The following TLK1 variants were observed in gnomAD, a reference collection of about 807,000 sequenced individuals.
TLK1 encodes the protein serine/threonine-protein kinase tousled-like 1.
Under a neutral mutation model 105.3 loss-of-function variants are expected in TLK1, and 24 were observed. The ratio of observed to expected loss-of-function variants is 0.23; its 90% CI spans 0.17 to 0.32. The LOEUF is 0.32. TLK1 is among the 10% of genes least tolerant of loss of function. The pLI, the probability that TLK1 is intolerant of heterozygous loss-of-function variation, is 1.00. For missense variants in TLK1, 558 were observed against 910.5 expected, an observed-to-expected ratio of 0.61 and a Z score of 4.98; for synonymous variants, 321 against 310.4, an observed-to-expected ratio of 1.03 and a Z score of -0.36.
chr2:171,020,022 C>A (rs565985406), intron 12 of TLK1, among the ~76,000 whole-genome samples: 212 of 150,466 alleles, frequency 1.4e-3, no homozygotes, highest in African/African-American at 4.9e-3. Flanking sequence ...CACACTACTG[C>A]ACTCTAGCCA....
At position 171,009,918 on chromosome 2, in the gene TLK1, C is replaced by T. The variant is rs575141730; in HGVS notation, c.1416+1455G>A. Among the ~76,000 whole-genome samples the T allele has an allele frequency of 5.3e-5, 8 of 152,294 alleles. No individual in the cohort carries two copies. In the South Asian group the frequency reaches 1.7e-3, roughly 32 times the overall value. ...ATCTATCAGAGAAGATGCAGAGGGTCAGGGAAGCTGTTTAGAGGAACTAAA... is the reference window on the plus strand; with the variant it reads ...ATCTATCAGAGAAGATGCAGAGGGTTAGGGAAGCTGTTTAGAGGAACTAAA... On this transcript the variant is annotated intron_variant, in intron 14 of 20. Coordinates refer to ENST00000431350, the MANE Select transcript of TLK1 (RefSeq NM_012290.5).
At chr2:171,149,624 G>C (rs1440777215) in intron 1 of TLK1, among the ~76,000 whole-genome samples, 1 of 152,176 alleles carries the variant, frequency 6.6e-6, no homozygotes, top group Non-Finnish European at 1.5e-5. Flanking sequence ...CTATACAATA[G>C]ACTGGGCACA....
intron 1 of TLK1, among the ~76,000 whole-genome samples, chr2:171,147,813 T>C (rs933052193): frequency 1.3e-5 from 2 of 152,196 alleles, no homozygotes; most frequent in East Asian, 1.9e-4. Flanking sequence ...ATCACATGTA[T>C]GAGACGCAGT....
At chr2:171,188,466 G>A (rs957164884) in intron 1 of TLK1, among the ~76,000 whole-genome samples, 3 of 152,106 alleles carry the variant, frequency 2.0e-5, no homozygotes, top group Admixed American at 6.5e-5. Context: ...AGCACTTTGG[G>A]AGGCCAAGGC....
intron 1 of TLK1, among the ~76,000 whole-genome samples, chr2:171,123,087 C>CACACA (rs1553480394): frequency 6.6e-6 from 1 of 151,132 alleles, no homozygotes; most frequent in Non-Finnish European, 1.5e-5. Context: ...CACACACACA[C>CACACA]TTCTTTTTTT....
chr2:171,000,026 A>G (rs944314056), intron 18 of TLK1, among the ~76,000 whole-genome samples: 16 of 152,106 alleles, frequency 1.1e-4, no homozygotes, highest in African/African-American at 2.4e-5. Context: ...CAGAGGCATG[A>G]GTGAGCCCCC....
At chr2:171,137,777 A>G (rs1366454783) in intron 1 of TLK1, among the ~76,000 whole-genome samples, 1 of 151,802 alleles carries the variant, frequency 6.6e-6, no homozygotes, top group Admixed American at 6.6e-5. Context: ...TGAACCCAGG[A>G]GGTGAAGGTT....
intron 1 of TLK1, among the ~76,000 whole-genome samples, chr2:171,143,510 A>AG (rs1691672188): frequency 2.2e-4 from 1 of 4,552 alleles, no homozygotes; most frequent in East Asian, 2.8e-3. Flanking sequence ...TATCTCCAAA[A>AG]AAAAAAAAAA....
intron 3 of TLK1, among the ~76,000 whole-genome samples, chr2:171,080,092 G>T: frequency 6.6e-6 from 1 of 151,574 alleles, no homozygotes; most frequent in Non-Finnish European, 1.5e-5. Context: ...AGCTATTCAG[G>T]AGGTTGAGGC....
chr2:171,188,926 T>A (rs1266132323), intron 1 of TLK1, among the ~76,000 whole-genome samples: 1 of 151,120 alleles, frequency 6.6e-6, no homozygotes, highest in Non-Finnish European at 1.5e-5. Context: ...AATCGTTTGA[T>A]ACATTATCCA....
At chr2:171,210,034 G>A (rs1005119555) in intron 1 of TLK1, among the ~76,000 whole-genome samples, 1 of 152,032 alleles carries the variant, frequency 6.6e-6, no homozygotes, top group Admixed American at 6.6e-5. Context: ...TAGCTAATCA[G>A]GTAAATCAAA....
chr2:171,063,759 G>A (rs11899305), intron 3 of TLK1, among the ~76,000 whole-genome samples: 85,279 of 152,080 alleles, frequency 0.56, 26,326 homozygotes, highest in East Asian at 0.95. Flanking sequence ...GAGTTCAAAC[G>A]GGGTAAACAA....
chr2:171,096,694 G>A (rs983994934), intron 2 of TLK1, among the ~76,000 whole-genome samples: 1 of 150,352 alleles, frequency 6.7e-6, no homozygotes, highest in African/African-American at 2.5e-5. Flanking sequence ...GGAGGCAGAG[G>A]ATGCAGTGAA....
intron 1 of TLK1, among the ~76,000 whole-genome samples, chr2:171,146,228 G>A (rs866114921): frequency 6.6e-6 from 1 of 152,116 alleles, no homozygotes; most frequent in African/African-American, 2.4e-5. Flanking sequence ...GGAGGCAGAG[G>A]TGGGAAGATC....
rs914119245 is a variant in TLK1 at position 170,991,948 on chromosome 2, G to T, written c.*1832C>A. Reference sequence around the variant, plus strand: ...TGTGCTCTACAGAGGAATGGGTATAGCCAGCCCCTTAAACCACTCTTGATG... The same window carrying T: ...TGTGCTCTACAGAGGAATGGGTATATCCAGCCCCTTAAACCACTCTTGATG... On this transcript the variant is annotated 3_prime_UTR_variant, in exon 21 of 21. Transcript: ENST00000431350. 6.6e-6 allele frequency: 1 copy of T among 151,988 alleles called. No individual in the cohort carries two copies. The highest frequency in any genetic ancestry group is 2.4e-5 in the African/African-American group (1 of 41,370). The allele number at this position is 151,988 out of a possible 1,614,324, so 9.4% of individuals were successfully genotyped here.
chr2:171,001,669 T>C (rs982093647), intron 18 of TLK1, among the ~76,000 whole-genome samples: 1 of 152,224 alleles, frequency 6.6e-6, no homozygotes, highest in Non-Finnish European at 1.5e-5. Context: ...TCCTTACAAA[T>C]AAATGTCCTC....
At chr2:171,113,282 T>G (rs556601299) in intron 2 of TLK1, among the ~76,000 whole-genome samples, 40 of 152,006 alleles carry the variant, frequency 2.6e-4, no homozygotes, top group Non-Finnish European at 4.9e-4. Context: ...CTTTTTTTTT[T>G]TTTTTGAGAC....
intron 1 of TLK1, among the ~76,000 whole-genome samples, chr2:171,223,272 A>G (rs1388646826): frequency 6.6e-6 from 1 of 152,206 alleles, no homozygotes; most frequent in African/African-American, 2.4e-5. Context: ...CCAACAGTGT[A>G]CAAGGATTCC....
intron 1 of TLK1, among the ~76,000 whole-genome samples, chr2:171,228,843 TA>T (rs890836373): frequency 3.3e-5 from 5 of 151,002 alleles, no homozygotes; most frequent in African/African-American, 4.9e-5. Flanking sequence ...GAACTGTAAT[TA>T]AAAAAAAAAT....
Sources: allele counts gnomAD v4.1 joint callset (sites outside exome capture counted in the v4.1 genomes callset), GRCh38; gene constraint gnomAD v4.1.1; transcripts MANE v1.5; gene names NCBI Gene and HGNC (gene_info 2026-07-23, HGNC 2026-07-21).